MAGI2: variants seen among roughly 807,000 people sequenced by gnomAD.
MAGI2 encodes membrane associated guanylate kinase, WW and PDZ domain containing 2.
MAGI2 carries 35 observed loss-of-function variants against 133.3 expected under a neutral mutation model. The observed-to-expected ratio is 0.26, with a 90% CI of 0.20 to 0.35. The LOEUF is 0.35. Among genes scored for constraint, MAGI2 ranks in the 10% least tolerant of loss-of-function variants. The pLI, the probability that MAGI2 is intolerant of heterozygous loss-of-function variation, is 1.00. For missense variants in MAGI2, 1,636 were observed against 1,863.4 expected (o/e 0.88, Z 2.25); for synonymous variants, 729 against 710.6 (o/e 1.03, Z -0.41).
At chr7:78,300,443 A>G (rs1797728030) in intron 9 of MAGI2, among the ~76,000 whole-genome samples, 1 of 152,202 alleles carries the variant, frequency 6.6e-6, no homozygotes, top group Admixed American at 6.5e-5. Context: ...GTCTGAAAGC[A>G]CCACCATAAA....
chr7:78,858,191 T>A (rs750700784), intron 2 of MAGI2, among the ~76,000 whole-genome samples: 200 of 152,160 alleles, frequency 1.3e-3, no homozygotes, highest in Non-Finnish European at 2.3e-3. Context: ...GTTGATCTTT[T>A]CAAAAAACCA....
At chr7:78,140,266 T>C (rs1822610338) in intron 16 of MAGI2, among the ~76,000 whole-genome samples, 1 of 152,212 alleles carries the variant, frequency 6.6e-6, no homozygotes, top group Non-Finnish European at 1.5e-5. Flanking sequence ...AAGGGATTAT[T>C]AGATCCCCCC....
chr7:78,076,611 C>G (rs923194504), intron 21 of MAGI2, among the ~76,000 whole-genome samples: 1 of 151,396 alleles, frequency 6.6e-6, no homozygotes, highest in African/African-American at 2.4e-5. Flanking sequence ...CTTTGGGAGG[C>G]CGAGGCGGGT....
intron 2 of MAGI2, among the ~76,000 whole-genome samples, chr7:78,767,286 G>T (rs969582230): frequency 1.3e-5 from 2 of 151,880 alleles, no homozygotes; most frequent in Non-Finnish European, 2.9e-5. Flanking sequence ...ACCACACCCA[G>T]CCTATAACAA....
intron 6 of MAGI2, among the ~76,000 whole-genome samples, chr7:78,382,441 T>G (rs1795011593): frequency 6.6e-6 from 1 of 152,186 alleles, no homozygotes; most frequent in South Asian, 2.1e-4. Flanking sequence ...TCAAAAAAAT[T>G]AAGTCAAATC....
At chr7:79,008,683 T>G in intron 1 of MAGI2, 1 of 152,214 alleles carries the variant, frequency 6.6e-6, no homozygotes, top group African/African-American at 2.4e-5. Context: ...TTCAAATCCA[T>G]TTTCTCAGCC....
chr7:78,617,173 TC>T (rs1269151762), intron 3 of MAGI2: 12 of 152,110 alleles, frequency 7.9e-5, no homozygotes, highest in African/African-American at 2.9e-4. Context: ...AGAAAAGTAG[TC>T]CAGGAAAATG....
intron 2 of MAGI2, among the ~76,000 whole-genome samples, chr7:78,953,998 A>G (rs185876007): frequency 3.9e-5 from 6 of 152,304 alleles, no homozygotes; most frequent in Admixed American, 2.0e-4. Flanking sequence ...AAATGGAACA[A>G]TCCCTTCCTG....
chr7:78,429,678 C>T (rs987177587), intron 6 of MAGI2, among the ~76,000 whole-genome samples: 1 of 151,740 alleles, frequency 6.6e-6, no homozygotes. Flanking sequence ...AAAAAGAAGG[C>T]TTTTTCTTTT....
chr7:79,038,018 C>T (rs570958036), intron 1 of MAGI2, among the ~76,000 whole-genome samples: 17 of 152,250 alleles, frequency 1.1e-4, no homozygotes, highest in South Asian at 1.0e-3. Flanking sequence ...ACCTTTTGTA[C>T]GTTCATCAAG....
intron 6 of MAGI2, among the ~76,000 whole-genome samples, chr7:78,480,932 G>A (rs907009287): frequency 2.0e-5 from 3 of 151,848 alleles, no homozygotes; most frequent in Non-Finnish European, 4.4e-5. Context: ...TTAAATAATT[G>A]GAAGGGCTTA....
At chr7:79,241,649 G>T (rs1478729639) in intron 1 of MAGI2, among the ~76,000 whole-genome samples, 1 of 152,130 alleles carries the variant, frequency 6.6e-6, no homozygotes, top group Non-Finnish European at 1.5e-5. Context: ...TAAGACTAAT[G>T]AAAAATGACA....
At chr7:78,913,311 T>C (rs1798554226) in intron 2 of MAGI2, among the ~76,000 whole-genome samples, 1 of 152,078 alleles carries the variant, frequency 6.6e-6, no homozygotes, top group African/African-American at 2.4e-5. Flanking sequence ...CTCATGATAG[T>C]AAGTGCATTC....
intron 7 of MAGI2, among the ~76,000 whole-genome samples, chr7:78,360,126 G>A (rs1792622068): frequency 6.6e-6 from 1 of 152,182 alleles, no homozygotes; most frequent in African/African-American, 2.4e-5. Context: ...ATTATAGGAT[G>A]CCCAAAGAAT....
intron 6 of MAGI2, among the ~76,000 whole-genome samples, chr7:78,434,781 T>C (rs1449055745): frequency 2.6e-5 from 4 of 152,072 alleles, no homozygotes; most frequent in Non-Finnish European, 5.9e-5. Context: ...GAAGTACAGA[T>C]ATATCAACTC....
rs544203748 is a variant in MAGI2 at position 78,574,941 on chromosome 7, A to G, written c.538+52179T>C. Among the ~76,000 whole-genome samples the G allele has an allele frequency of 2.0e-5, 3 of 152,334 alleles. No homozygotes were observed. In the South Asian group the frequency reaches 6.2e-4, roughly 32 times the overall value. ...AGAAAATATTCAAGACCATGCTTAAATTCCACTTTCTCTACCATGTCATCT... is the reference window on the plus strand; with the variant it reads ...AGAAAATATTCAAGACCATGCTTAAGTTCCACTTTCTCTACCATGTCATCT... On this transcript the variant is annotated intron_variant, in intron 3 of 21. Transcript: ENST00000354212.
intron 1 of MAGI2, among the ~76,000 whole-genome samples, chr7:79,090,500 A>G (rs1816951470): frequency 1.3e-5 from 2 of 152,284 alleles, no homozygotes; most frequent in African/African-American, 2.4e-5. Flanking sequence ...CCCACAGAAT[A>G]TTAGCTGATT....
intron 1 of MAGI2, among the ~76,000 whole-genome samples, chr7:79,380,842 T>G (rs954596817): frequency 1.3e-5 from 2 of 151,780 alleles, no homozygotes; most frequent in Non-Finnish European, 2.9e-5. Flanking sequence ...TTCAAAGTAA[T>G]TATTTGTATG....
At chr7:79,443,285 CGTGTGT>C (rs10600873) in intron 1 of MAGI2, among the ~76,000 whole-genome samples, 5,612 of 139,402 alleles carry the variant, frequency 0.04, 139 homozygotes, top group Middle Eastern at 0.17. Flanking sequence ...TGTGTGTGTG[CGTGTGT>C]GTGTGTGTGT....
Sources: gnomAD v4.1 joint callset for allele counts (sites outside exome capture counted in the v4.1 genomes callset) on GRCh38, gnomAD v4.1.1 for gene constraint, MANE v1.5 for transcripts, NCBI Gene and HGNC (gene_info 2026-07-23, HGNC 2026-07-21) for gene names.